Variants in EPM2A observed in about 807,000 individuals in gnomAD.
EPM2A encodes EPM2A glucan phosphatase, laforin.
In EPM2A, 21 loss-of-function variants were observed where a neutral mutation model predicts 26.5. The ratio of observed to expected loss-of-function variants is 0.79; its 90% CI spans 0.56 to 1.14. The LOEUF is 1.14. Among genes scored for constraint, EPM2A ranks in the 50% most tolerant of loss-of-function variants. EPM2A has a pLI of 0.00. For synonymous variants in EPM2A, 217 were observed against 177.6 expected (o/e 1.22, Z -1.76); for missense variants, 458 against 440.8 (o/e 1.04, Z -0.35).
intron 2 of EPM2A, among the ~76,000 whole-genome samples, chr6:145,676,436 T>C (rs1045877751): frequency 1.3e-5 from 2 of 152,050 alleles, no homozygotes; most frequent in Non-Finnish European, 1.5e-5. Context: ...AGAGCAGAAC[T>C]GAAGGAGATA....
At chr6:145,461,052 C>G (rs1371543522) in intron 4 of EPM2A, among the ~76,000 whole-genome samples, 3 of 152,124 alleles carry the variant, frequency 2.0e-5, no homozygotes, top group Non-Finnish European at 4.4e-5. Flanking sequence ...TGTTTTCTCA[C>G]CAGTTCCCTC....
rs574223744 is a variant in EPM2A, at chr6:145,517,685, T to C, written c.341-15110A>G. On this transcript the variant is annotated intron_variant, in intron 2 of 3. Transcript: ENST00000450221. ...ATCTTTAATATGCTCAGTTCAGCAG[T>C]GTCTGCGAAGGGAACAATGAAGCAC... 3.9e-5 allele frequency among the ~76,000 whole-genome samples: 6 copies of C among 152,316 alleles called. No homozygotes were observed. The East Asian group carries it at 1.2e-3, about 29-fold the overall frequency.
intron 4 of EPM2A, among the ~76,000 whole-genome samples, chr6:145,461,496 G>A (rs1470850134): frequency 6.6e-6 from 1 of 152,088 alleles, no homozygotes; most frequent in African/African-American, 2.4e-5. Context: ...TCTGGAATGG[G>A]CTGCATTCAT....
At chr6:145,450,912 G>A (rs1338696554) in intron 4 of EPM2A, among the ~76,000 whole-genome samples, 1 of 150,570 alleles carries the variant, frequency 6.6e-6, no homozygotes, top group Non-Finnish European at 1.5e-5. Flanking sequence ...TCTTTTTTTA[G>A]GCAGTTGGGT....
chr6:145,649,566 T>C (rs1777727745), intron 2 of EPM2A, among the ~76,000 whole-genome samples: 1 of 152,180 alleles, frequency 6.6e-6, no homozygotes, highest in Non-Finnish European at 1.5e-5. Flanking sequence ...TGAAGACAGC[T>C]CTCTATGGGA....
intron 2 of EPM2A, among the ~76,000 whole-genome samples, chr6:145,677,568 C>A (rs181690741): frequency 2.0e-5 from 3 of 152,140 alleles, no homozygotes; most frequent in African/African-American, 4.8e-5. Context: ...TAAGCTGATA[C>A]ACAACTTCAG....
intron 1 of EPM2A, among the ~76,000 whole-genome samples, chr6:145,706,523 C>T (rs1782230504): frequency 1.3e-5 from 2 of 152,138 alleles, no homozygotes; most frequent in African/African-American, 2.4e-5. Flanking sequence ...AAGTCTCAGA[C>T]AAGAAGCTCT....
At chr6:145,620,831 T>C (rs1775617789), downstream of EPM2A, among the ~76,000 whole-genome samples, 1 of 152,220 alleles carries the variant, frequency 6.6e-6, no homozygotes, top group Non-Finnish European at 1.5e-5. Context: ...CTTATTGAGG[T>C]ATAACTGTCA....
chr6:145,705,683 T>G, intron 1 of EPM2A: 1 of 409,018 alleles, frequency 2.4e-6, no homozygotes, highest in Non-Finnish European at 4.9e-6. Context: ...CAATCCCTAT[T>G]TGAAATAGCA....
chr6:145,672,682 T>A (rs1779736330), intron 2 of EPM2A, among the ~76,000 whole-genome samples: 2 of 152,360 alleles, frequency 1.3e-5, no homozygotes, highest in South Asian at 4.1e-4. Context: ...GTCTCTGGAC[T>A]GGGGGAACCC....
intron 2 of EPM2A, among the ~76,000 whole-genome samples, chr6:145,546,425 C>A (rs547589686): frequency 2.6e-5 from 4 of 152,216 alleles, no homozygotes; most frequent in East Asian, 3.9e-4. Flanking sequence ...TCAGTGAGGG[C>A]AGATCTTCCT....
At chr6:145,489,849 C>T in intron 4 of EPM2A, 1 of 1,443,588 alleles carries the variant, frequency 6.9e-7, no homozygotes, top group Non-Finnish European at 9.7e-7. Flanking sequence ...CTTCCACTGG[C>T]ACCTGATTTA....
At chr6:145,434,630 C>T (rs1055979620) in intron 4 of EPM2A, among the ~76,000 whole-genome samples, 10 of 152,056 alleles carry the variant, frequency 6.6e-5, no homozygotes, top group South Asian at 4.2e-4. Context: ...ATATAATTTA[C>T]GTAACATAAA....
chr6:145,498,428 G>T (rs1193957010), downstream of EPM2A, among the ~76,000 whole-genome samples: 1 of 152,194 alleles, frequency 6.6e-6, no homozygotes, highest in African/African-American at 2.4e-5. Context: ...AGTATGTAAA[G>T]CTCCTGAGAC....
At chr6:145,495,445 T>C (rs1779805075) in intron 4 of EPM2A, among the ~76,000 whole-genome samples, 1 of 152,204 alleles carries the variant, frequency 6.6e-6, no homozygotes, top group South Asian at 2.1e-4. Context: ...TTTATCCAGC[T>C]TGCCACTGTG....
At chr6:145,643,816 C>T (rs1777259546) in intron 2 of EPM2A, among the ~76,000 whole-genome samples, 1 of 150,158 alleles carries the variant, frequency 6.7e-6, no homozygotes, top group Non-Finnish European at 1.5e-5. Flanking sequence ...CCATTAAATA[C>T]TTTGAGCAAC....
At chr6:145,480,449 A>G (rs1161238821) in intron 4 of EPM2A, among the ~76,000 whole-genome samples, 1 of 152,134 alleles carries the variant, frequency 6.6e-6, no homozygotes, top group Non-Finnish European at 1.5e-5. Context: ...AGATTTGGGT[A>G]GGAACACAAA....
intron 2 of EPM2A, among the ~76,000 whole-genome samples, chr6:145,545,148 C>T (rs1780567367): frequency 6.6e-6 from 1 of 152,116 alleles, no homozygotes; most frequent in Non-Finnish European, 1.5e-5. Context: ...CTTCCTAGAC[C>T]ACTAATTTTC....
At chr6:145,407,811 T>C (rs1210569787) in intron 4 of EPM2A, among the ~76,000 whole-genome samples, 1 of 152,148 alleles carries the variant, frequency 6.6e-6, no homozygotes, top group Non-Finnish European at 1.5e-5. Context: ...AGTCAGGAAG[T>C]TATAAATAGA....
Sources: gnomAD v4.1 joint callset for allele counts (sites outside exome capture counted in the v4.1 genomes callset) on GRCh38, gnomAD v4.1.1 for gene constraint, MANE v1.5 for transcripts, NCBI Gene and HGNC (gene_info 2026-07-23, HGNC 2026-07-21) for gene names.